Variants in ACOT7 observed in about 807,000 individuals in gnomAD.
ACOT7 encodes acyl-CoA thioesterase 7.
A neutral mutation model predicts 40.2 loss-of-function variants in ACOT7; 12 were observed. That is an observed-to-expected ratio of 0.30 (90% confidence interval 0.19 to 0.48). The LOEUF is 0.48. ACOT7 is among the 20% of genes least tolerant of loss of function. The pLI, the probability that ACOT7 is intolerant of heterozygous loss-of-function variation, is 0.99. For missense variants in ACOT7, 395 were observed against 530.8 expected (o/e 0.74, Z 2.51); for synonymous variants, 228 against 219.5 (o/e 1.04, Z -0.34).
intron 6 of ACOT7, among the ~76,000 whole-genome samples, chr1:6,302,314 T>C (rs538168181): frequency 7.3e-4 from 111 of 152,160 alleles, no homozygotes; most frequent in Non-Finnish European, 1.3e-3. Context: ...GAAGTCATAG[T>C]AGGATCCTGG....
chr1:6,348,920 T>A (rs1300629481), intron 2 of ACOT7, among the ~76,000 whole-genome samples: 1 of 152,150 alleles, frequency 6.6e-6, no homozygotes, highest in African/African-American at 2.4e-5. Flanking sequence ...GACCTGCACC[T>A]CACACTCCCA....
chr1:6,375,127 A>T (rs1454775565), intron 1 of ACOT7, among the ~76,000 whole-genome samples: 2 of 150,932 alleles, frequency 1.3e-5, no homozygotes, highest in South Asian at 4.2e-4. Context: ...AATACAAAAA[A>T]TTAGCCGGGC....
rs146057501 is a variant in ACOT7, at chr1:6,349,772, G to A, written c.238C>T (p.Arg80Trp). The change falls in exon 2 of 9, where the codon CGG becomes TGG. Residue 80 changes from arginine (R) to tryptophan (W), a missense_variant. By Grantham distance (101) the Arg-to-Trp change is moderately radical (BLOSUM62 -3). This residue lies in a region of ACOT7 where 309 missense variants were observed against 470.3 expected (regional missense o/e 0.66). Coordinates refer to ENST00000361521, the MANE Select transcript of ACOT7 (RefSeq NM_007274.4). Reference protein sequence around the residue: ...IEEAGAIISTRHCNSQNGERC... With the variant: ...IEEAGAIISTWHCNSQNGERC... ...ACCCCGTTCTGGCTGTTGCAATGCC[G>A]GGTGCTGATGATGGCGCCTGCCTCC... 3 of 1,613,874 alleles carry A rather than the reference G, an allele frequency of 1.9e-6. No individual in the cohort carries two copies. Among genetic ancestry groups the A allele is most frequent in the Non-Finnish European group, 2.5e-6 (3 of 1,179,940 alleles).
chr1:6,307,637 G>A (rs1274009374), intron 6 of ACOT7, among the ~76,000 whole-genome samples: 1 of 151,942 alleles, frequency 6.6e-6, no homozygotes, highest in Admixed American at 6.5e-5. Context: ...AGCAACAGGC[G>A]GAGGGAAGAG....
chr1:6,297,582 C>T (rs991689111), intron 6 of ACOT7, among the ~76,000 whole-genome samples: 1 of 152,178 alleles, frequency 6.6e-6, no homozygotes, highest in African/African-American at 2.4e-5. Context: ...GAAACACATC[C>T]ACCTAATGAG....
At chr1:6,364,744 A>G (rs1641963806) in intron 1 of ACOT7, among the ~76,000 whole-genome samples, 1 of 146,390 alleles carries the variant, frequency 6.8e-6, no homozygotes, top group Non-Finnish European at 1.5e-5. Context: ...GCTACTCGGG[A>G]GGCTGAGGCA....
intron 4 of ACOT7, 73 bp from the exon 5 acceptor site, chr1:6,327,486 CA>C: frequency 7.1e-7 from 1 of 1,404,266 alleles, no homozygotes; most frequent in Non-Finnish European, 1.0e-6. Flanking sequence ...GCCATGATCC[CA>C]GGCCCTTATA....
Position 6,362,889 on chromosome 1 carries a change from A to G in ACOT7, c.144-13023T>C, listed in dbSNP as rs181594586. ...ACATGGTGAGACCCCATCTCTACCA[A>G]AAATCCAAAAAAATTAGCCGAGCAT... On this transcript the variant is annotated intron_variant, in intron 1 of 8. Transcript: ENST00000361521. Among the ~76,000 whole-genome samples, 9 of 152,030 alleles carry G rather than the reference A, an allele frequency of 5.9e-5. No homozygotes were observed. The East Asian group carries it at 1.6e-3, about 26-fold the overall frequency.
At chr1:6,304,476 A>G (rs1571288678) in intron 6 of ACOT7, among the ~76,000 whole-genome samples, 1 of 126,880 alleles carries the variant, frequency 7.9e-6, no homozygotes, top group African/African-American at 3.1e-5. Flanking sequence ...ACAATAGTGG[A>G]GGGAAGGTCA....
chr1:6,301,444 T>G lies in ACOT7; in HGVS notation c.713-6464A>C, dbSNP rs1259482412. 6.6e-6 allele frequency among the ~76,000 whole-genome samples: 1 copy of G among 152,162 alleles called. No individual in the cohort carries two copies. The highest frequency in any genetic ancestry group is 1.5e-5 in the Non-Finnish European group (1 of 68,030). On this transcript the variant is annotated intron_variant, in intron 6 of 8. Transcript: ENST00000361521. The surrounding 1 kb of genome is among the most constrained non-coding windows in gnomAD (Gnocchi z 4.1). ...ATGTGAGCGGCTATTGAGTGCCTGG[T>G]GTGCGAATACCCTCTTCACCACCCC...
At position 6,355,043 on chromosome 1, in the gene ACOT7, C is replaced by T. The variant is rs554788424; in HGVS notation, c.144-5177G>A. On this transcript the variant is annotated intron_variant, in intron 1 of 8. Coordinates refer to ENST00000361521, the MANE Select transcript of ACOT7 (RefSeq NM_007274.4). This position sits in a 1 kb window ranked among gnomAD's most constrained non-coding sequence, Gnocchi z 5.0. ...AGCTCTCAGGGATTGGGAACTTTTC[C>T]GCCTCAACTCTCACTGCCCTGCGGG... Among the ~76,000 whole-genome samples, 88 of 152,166 alleles carry T rather than the reference C, an allele frequency of 5.8e-4. No individual in the cohort carries two copies. The highest frequency in any genetic ancestry group is 9.6e-4 in the Non-Finnish European group (65 of 67,992).
intron 6 of ACOT7, among the ~76,000 whole-genome samples, chr1:6,314,175 C>T (rs1640419845): frequency 6.6e-6 from 1 of 152,060 alleles, no homozygotes; most frequent in African/African-American, 2.4e-5. Context: ...GTAGTAACAC[C>T]GTTTCGAGGG....
Position 6,299,774 on chromosome 1 carries a change from C to T in ACOT7, c.713-4794G>A, listed in dbSNP as rs933059701. Among the ~76,000 whole-genome samples the T allele has an allele frequency of 6.6e-6, 1 of 152,072 alleles. No homozygotes were observed. Among genetic ancestry groups the T allele is most frequent in the African/African-American group, 2.4e-5 (1 of 41,400 alleles). On this transcript the variant is annotated intron_variant, in intron 6 of 8. Transcript: ENST00000361521. This position sits in a 1 kb window ranked among gnomAD's most constrained non-coding sequence, Gnocchi z 4.1. ...GACTGAGTTCTTCTAGGTTGATCTGCCTCATAAAGAAACTGACTTGTGACC... is the reference window on the plus strand; with the variant it reads ...GACTGAGTTCTTCTAGGTTGATCTGTCTCATAAAGAAACTGACTTGTGACC...
chr1:6,360,807 C>A, intron 1 of ACOT7: 1 of 1,460,278 alleles, frequency 6.8e-7, no homozygotes, highest in African/African-American at 1.4e-5. Flanking sequence ...CAGCTGGTCC[C>A]AGTCCAGGTG....
chr1:6,345,660 G>A (rs934493275), intron 2 of ACOT7, among the ~76,000 whole-genome samples: 3 of 152,216 alleles, frequency 2.0e-5, no homozygotes, highest in Non-Finnish European at 4.4e-5. Flanking sequence ...CCCAGAGAGG[G>A]TGCGGTCTCA....
In ACOT7 at chr1:6,264,275, A is replaced by T; in HGVS notation, c.*322T>A. The T allele has an allele frequency of 3.4e-6, 1 of 294,098 alleles. No individual in the cohort carries two copies. Among genetic ancestry groups the T allele is most frequent in the Non-Finnish European group, 6.3e-6 (1 of 159,738 alleles). 18.2% of individuals were successfully genotyped at this position (294,098 alleles called of 1,614,324 possible). ...ATGACCACCCAGGACACGTGGGTCC[A>T]GCCAAGCAGCAGCTTTATTAGTGGT... is the stretch of plus-strand genomic sequence containing the variant. On this transcript the variant is annotated 3_prime_UTR_variant, in exon 9 of 9. Coordinates refer to ENST00000361521, the MANE Select transcript of ACOT7 (RefSeq NM_007274.4).
chr1:6,321,826 G>A (rs1640652744), intron 5 of ACOT7, among the ~76,000 whole-genome samples: 1 of 152,206 alleles, frequency 6.6e-6, no homozygotes, highest in African/African-American at 2.4e-5. Context: ...ATGGGCTTTT[G>A]ATTTCAGTCT....
intron 1 of ACOT7, chr1:6,385,941 A>G (rs1642433638): frequency 1.2e-6 from 1 of 837,552 alleles, no homozygotes; most frequent in Non-Finnish European, 1.7e-6. Context: ...ACAGGGAAAC[A>G]GGACAGGGCC....
intron 6 of ACOT7, among the ~76,000 whole-genome samples, chr1:6,310,402 C>A (rs1640297541): frequency 6.6e-6 from 1 of 152,156 alleles, no homozygotes; most frequent in Admixed American, 6.5e-5. Context: ...TCCCCAGCCA[C>A]CCTGGCGCCC....
Sources: gnomAD v4.1 joint callset for allele counts (sites outside exome capture counted in the v4.1 genomes callset) on GRCh38, gnomAD v4.1.1 for gene constraint, gnomAD v4.1.1 regional missense constraint, Gnocchi (gnomAD v3.1) non-coding constraint, MANE v1.5 for transcripts, NCBI Gene and HGNC (gene_info 2026-07-23, HGNC 2026-07-21) for gene names.